RBFOX3: variants seen among roughly 807,000 people sequenced by gnomAD.
The protein encoded by RBFOX3 is RNA binding protein fox-1 homolog 3.
A neutral mutation model predicts 48.7 loss-of-function variants in RBFOX3; 17 were observed. That is an observed-to-expected ratio of 0.35 (90% CI 0.24 to 0.52). The LOEUF (loss-of-function observed/expected upper bound fraction) is 0.52. RBFOX3 is among the 20% of genes least tolerant of loss of function. The probability of loss-of-function intolerance (pLI) is 0.94; values close to 1 mark genes in which losing one functional copy is unlikely to be tolerated. For missense variants in RBFOX3, 382 were observed against 497.5 expected (o/e 0.77, Z 2.21); for synonymous variants, 212 against 209.5 (o/e 1.01, Z -0.10).
In RBFOX3 at chr17:79,479,488, C is replaced by T. The variant is rs1020351814; in HGVS notation, c.-175+2966G>A. Among the ~76,000 whole-genome samples, 19 of 152,342 alleles carry T rather than the reference C, an allele frequency of 1.2e-4. No homozygotes were observed. The highest frequency in any genetic ancestry group is 4.6e-4 in the African/African-American group (19 of 41,586). The stretch of plus-strand genomic sequence containing the variant: ...GAGGGGCTTCCTTCTCTCCCCTTGA[C>T]CTCACCCTTTTAGAAAAGGAAGACT... On this transcript the variant is annotated intron_variant, in intron 2 of 14. Transcript: ENST00000693108. The surrounding 1 kb of genome is among the most constrained non-coding windows in gnomAD (Gnocchi z 5.1).
In RBFOX3 at chr17:79,479,336, A is replaced by G. The variant is rs1422000307; in HGVS notation, c.-175+3118T>C. Among the ~76,000 whole-genome samples, 9 of 152,178 alleles carry G rather than the reference A, an allele frequency of 5.9e-5. No individual in the cohort carries two copies. The highest frequency in any genetic ancestry group is 2.2e-4 in the African/African-American group (9 of 41,434). On this transcript the variant is annotated intron_variant, in intron 2 of 14. Coordinates refer to ENST00000693108, the MANE Select transcript of RBFOX3 (RefSeq NM_001350451.2). The surrounding 1 kb of genome is among the most constrained non-coding windows in gnomAD (Gnocchi z 5.1). ...GGCACACCTGACCTCAGATGTGTGT[A>G]CATGGCCCTCTTCCTTCAGACACCC...
intron 4 of RBFOX3, among the ~76,000 whole-genome samples, chr17:79,230,012 C>T (rs1367697000): frequency 6.6e-6 from 1 of 152,212 alleles, no homozygotes; most frequent in Non-Finnish European, 1.5e-5. Flanking sequence ...TCCGACTCAG[C>T]TGAGGCAGGT....
At chr17:79,506,605 C>T (rs1301925953) in intron 1 of RBFOX3, among the ~76,000 whole-genome samples, 2 of 152,144 alleles carry the variant, frequency 1.3e-5, no homozygotes, top group Admixed American at 6.5e-5. Context: ...CCCCAGATGG[C>T]GAGGAAAGAG....
intron 5 of RBFOX3, among the ~76,000 whole-genome samples, chr17:79,114,802 A>C (rs1230732207): frequency 6.6e-6 from 1 of 152,106 alleles, no homozygotes; most frequent in Non-Finnish European, 1.5e-5. Flanking sequence ...AGACAAAAGG[A>C]ATAGGCCGGC....
At chr17:79,282,071 T>C (rs1298209247) in intron 3 of RBFOX3, among the ~76,000 whole-genome samples, 1 of 152,198 alleles carries the variant, frequency 6.6e-6, no homozygotes, top group Non-Finnish European at 1.5e-5. Context: ...TGGCTGGGGT[T>C]GCAGTTTTAT....
At chr17:79,247,891 A>C (rs2063391885) in intron 3 of RBFOX3, among the ~76,000 whole-genome samples, 1 of 152,232 alleles carries the variant, frequency 6.6e-6, no homozygotes, top group Admixed American at 6.5e-5. Flanking sequence ...CGGGGGTGAC[A>C]GTAGGACCCA....
chr17:79,264,933 C>T (rs144919390), intron 3 of RBFOX3, among the ~76,000 whole-genome samples: 83 of 151,468 alleles, frequency 5.5e-4, no homozygotes, highest in African/African-American at 1.9e-3. Context: ...ATTACTGCCA[C>T]GAATGCCCTT....
chr17:79,335,565 A>G (rs4592695), intron 2 of RBFOX3, among the ~76,000 whole-genome samples: 124,897 of 152,176 alleles, frequency 0.82, 51,806 homozygotes, highest in Non-Finnish European at 0.89. Flanking sequence ...CCCAGGCTAC[A>G]CTGGAGTGTC....
intron 3 of RBFOX3, chr17:79,298,230 C>T (rs1030500281): frequency 2.0e-5 from 3 of 152,206 alleles, no homozygotes; most frequent in Non-Finnish European, 4.4e-5. Context: ...TTATTAAACA[C>T]CAAATAAGTG....
At chr17:79,379,099 G>T (rs990234607) in intron 2 of RBFOX3, among the ~76,000 whole-genome samples, 3 of 152,142 alleles carry the variant, frequency 2.0e-5, no homozygotes, top group Admixed American at 6.5e-5. Flanking sequence ...TGATGGACAC[G>T]TTCCACCACC....
chr17:79,576,114 G>A (rs1271193430), intron 1 of RBFOX3, among the ~76,000 whole-genome samples: 4 of 152,228 alleles, frequency 2.6e-5, no homozygotes, highest in African/African-American at 7.2e-5. Flanking sequence ...TGGATGGGTA[G>A]GTCCCAACCA....
At chr17:79,650,294 C>CG in the RBFOX3 span, among the ~76,000 whole-genome samples, 5 of 151,958 alleles carry the variant, frequency 3.3e-5, no homozygotes, top group Non-Finnish European at 5.9e-5. Flanking sequence ...GCTGGATGCC[C>CG]GGGCCGAGGG....
At chr17:79,153,870 G>A (rs1357082363) in intron 4 of RBFOX3, among the ~76,000 whole-genome samples, 1 of 152,142 alleles carries the variant, frequency 6.6e-6, no homozygotes, top group East Asian at 1.9e-4. Flanking sequence ...CTGAGCCCCG[G>A]CTGCCCATGG....
chr17:79,371,745 C>T (rs982903324), intron 2 of RBFOX3, among the ~76,000 whole-genome samples: 2 of 152,136 alleles, frequency 1.3e-5, no homozygotes, highest in Non-Finnish European at 2.9e-5. Context: ...GCAGATCCTG[C>T]AAGTGGGAGG....
At chr17:79,530,518 C>A (rs1307138835) in intron 1 of RBFOX3, among the ~76,000 whole-genome samples, 1 of 152,126 alleles carries the variant, frequency 6.6e-6, no homozygotes, top group East Asian at 1.9e-4. Flanking sequence ...ACTTTGAGGC[C>A]GTGATGGAAT....
chr17:79,090,223 C>A lies in RBFOX3; in HGVS notation c.*660G>T, dbSNP rs973088704. On this transcript the variant is annotated 3_prime_UTR_variant, in exon 15 of 15. Coordinates refer to ENST00000693108, the MANE Select transcript of RBFOX3 (RefSeq NM_001350451.2). ...GGAGCGCCCCTGAGTCCTGGAGCCA[C>A]GTCAGCCCTTTCTGTTGGGAGCTGG... The A allele has an allele frequency of 6.6e-6, 1 of 152,310 alleles. No homozygotes were observed. Among genetic ancestry groups the A allele is most frequent in the Non-Finnish European group, 1.5e-5 (1 of 68,120 alleles). 9.4% of individuals were successfully genotyped at this position (152,310 alleles called of 1,614,324 possible).
At chr17:79,101,946 G>A (rs1226918130) in intron 8 of RBFOX3, among the ~76,000 whole-genome samples, 1 of 152,208 alleles carries the variant, frequency 6.6e-6, no homozygotes, top group Non-Finnish European at 1.5e-5. Context: ...GCTCCCTGGT[G>A]GACTCTCCAC....
Position 79,491,029 on chromosome 17 carries a change from G to GAGGAGAGGGGAGGGGAGGAA in RBFOX3, c.-319-8451_-319-8432dup, listed in dbSNP as rs1598916859. Among the ~76,000 whole-genome samples the GAGGAGAGGGGAGGGGAGGAA allele has an allele frequency of 1.0e-3, 100 of 98,702 alleles. 1 individual carries two copies. The highest frequency in any genetic ancestry group is 4.6e-3 in the East Asian group (8 of 1,758). The allele number at this position is 98,702 out of a possible 152,430, so 64.8% of individuals were successfully genotyped here. The stretch of plus-strand genomic sequence containing the variant: ...GTGACCAACCCTGGAGTGAATCGGA[G>GAGGAGAGGGGAGGGGAGGAA]AGGAGAGGGGAGGGGAGGAAAGGAG... On this transcript the variant is annotated intron_variant, in intron 1 of 14. Coordinates refer to ENST00000693108, the MANE Select transcript of RBFOX3 (RefSeq NM_001350451.2).
At chr17:79,280,832 G>A (rs1237761022) in intron 3 of RBFOX3, among the ~76,000 whole-genome samples, 3 of 89,610 alleles carry the variant, frequency 3.3e-5, no homozygotes, top group Non-Finnish European at 5.0e-5. Context: ...CAGGCAGGCT[G>A]TCCCATTGTG....
Sources: allele counts gnomAD v4.1 joint callset (sites outside exome capture counted in the v4.1 genomes callset), GRCh38; gene constraint gnomAD v4.1.1; non-coding constraint Gnocchi (gnomAD v3.1); transcripts MANE v1.5; gene names NCBI Gene and HGNC (gene_info 2026-07-23, HGNC 2026-07-21).